GULP1: variants seen among roughly 807,000 people sequenced by gnomAD.
GULP1 encodes the protein GULP PTB domain containing engulfment adaptor 1.
GULP1 carries 19 observed loss-of-function variants against 40.9 expected under a neutral mutation model. The ratio of observed to expected loss-of-function variants is 0.46; its 90% confidence interval spans 0.32 to 0.68. The LOEUF (loss-of-function observed/expected upper bound fraction) is 0.68. Among genes scored for constraint, GULP1 ranks in the 30% least tolerant of loss-of-function variants. GULP1 has a pLI of 0.03. For synonymous variants in GULP1, 119 were observed against 117.6 expected, an observed-to-expected ratio of 1.01 and a Z score of -0.08; for missense variants, 312 against 362.2, an observed-to-expected ratio of 0.86 and a Z score of 1.12.
At chr2:188,584,094 G>A (rs1452728529) in intron 9 of GULP1, among the ~76,000 whole-genome samples, 171 bp from the exon 10 acceptor site, 3 of 152,088 alleles carry the variant, frequency 2.0e-5, no homozygotes, top group African/African-American at 4.8e-5. Context: ...ATCATAATTA[G>A]TGGAACCATA....
rs147805382 is a variant in GULP1 at position 188,408,799 on chromosome 2, A to G, written c.-45+24910A>G. Among the ~76,000 whole-genome samples, 350 of 152,336 alleles carry G rather than the reference A, an allele frequency of 2.3e-3. 1 individual carries two copies. Among genetic ancestry groups the G allele is most frequent in the African/African-American group, 7.9e-3 (330 of 41,580 alleles). ...TACAAGTGATAACAAATTTAAGAAG[A>G]ATGAAGTCATTTCAAGTATCTTTTC... On this transcript the variant is annotated intron_variant, in intron 2 of 11. Transcript: ENST00000409830.
At chr2:188,493,835 C>A (rs980596414) in intron 4 of GULP1, among the ~76,000 whole-genome samples, 1 of 151,918 alleles carries the variant, frequency 6.6e-6, no homozygotes, top group Non-Finnish European at 1.5e-5. Context: ...ATTTGATAAA[C>A]TCTCCTTCAG....
At chr2:188,328,442 C>T (rs1460182279) in intron 1 of GULP1, among the ~76,000 whole-genome samples, 1 of 152,068 alleles carries the variant, frequency 6.6e-6, no homozygotes, top group Non-Finnish European at 1.5e-5. Context: ...TCTCTTAATG[C>T]CATATTATCC....
intron 9 of GULP1, among the ~76,000 whole-genome samples, chr2:188,582,896 T>C (rs1357712575): frequency 1.3e-5 from 2 of 152,124 alleles, no homozygotes; most frequent in Non-Finnish European, 2.9e-5. Context: ...GAGTTAAAGA[T>C]AGAATGAAGT....
chr2:188,580,328 C>A (rs560003546), intron 9 of GULP1, among the ~76,000 whole-genome samples: 5 of 152,020 alleles, frequency 3.3e-5, no homozygotes, highest in South Asian at 2.1e-4. Flanking sequence ...CCGAGGCGGG[C>A]GGATCACGAG....
At chr2:188,553,378 A>C (rs921560828) in intron 7 of GULP1, among the ~76,000 whole-genome samples, 3 of 151,992 alleles carry the variant, frequency 2.0e-5, no homozygotes, top group Admixed American at 1.3e-4. Flanking sequence ...ATCATGAAGG[A>C]ATGTTGAACT....
chr2:188,592,083 A>G (rs1236784267), intron 11 of GULP1: 1 of 151,988 alleles, frequency 6.6e-6, no homozygotes, highest in African/African-American at 2.4e-5. Flanking sequence ...TAAGTCATAT[A>G]CTAACACTTT....
At chr2:188,500,032 A>C (rs1177618978) in intron 4 of GULP1, among the ~76,000 whole-genome samples, 1 of 151,832 alleles carries the variant, frequency 6.6e-6, no homozygotes, top group East Asian at 1.9e-4. Context: ...ACTAAGACAT[A>C]TGTGTCCTTG....
At chr2:188,407,366 C>A (rs2053262152) in intron 2 of GULP1, among the ~76,000 whole-genome samples, 1 of 151,990 alleles carries the variant, frequency 6.6e-6, no homozygotes, top group Admixed American at 6.6e-5. Context: ...TATTCTAATC[C>A]TGTAATGGTG....
chr2:188,453,320 G>T (rs201637388), intron 2 of GULP1, among the ~76,000 whole-genome samples: 1 of 151,994 alleles, frequency 6.6e-6, no homozygotes, highest in African/African-American at 2.4e-5. Context: ...TGTTTAAAAT[G>T]TAATGTTATT....
At chr2:188,515,341 C>A (rs2065060705) in intron 4 of GULP1, among the ~76,000 whole-genome samples, 1 of 152,090 alleles carries the variant, frequency 6.6e-6, no homozygotes. Context: ...ACCTGAGGAC[C>A]CAGGATGCTG....
intron 2 of GULP1, among the ~76,000 whole-genome samples, chr2:188,474,915 A>T (rs1325884777): frequency 2.0e-5 from 3 of 152,200 alleles, no homozygotes; most frequent in Non-Finnish European, 4.4e-5. Context: ...GATTTATGTT[A>T]CACCATAAAT....
intron 1 of GULP1, among the ~76,000 whole-genome samples, chr2:188,373,686 A>C (rs2047917708): frequency 6.6e-6 from 1 of 152,074 alleles, no homozygotes; most frequent in Non-Finnish European, 1.5e-5. Flanking sequence ...TTACTTAGCT[A>C]TTGTCTTTGG....
chr2:188,544,174 A>G (rs777902627), intron 7 of GULP1, among the ~76,000 whole-genome samples: 55 of 152,250 alleles, frequency 3.6e-4, no homozygotes, highest in Non-Finnish European at 6.8e-4. Context: ...AATTTCCAGT[A>G]TTTCATAAAA....
chr2:188,470,956 T>A (rs2060538491), intron 2 of GULP1, among the ~76,000 whole-genome samples: 2 of 151,852 alleles, frequency 1.3e-5, no homozygotes, highest in Admixed American at 1.3e-4. Context: ...AAGTTTGAAG[T>A]TGCTTTGTTA....
At chr2:188,572,219 G>A (rs974582022) in intron 9 of GULP1, among the ~76,000 whole-genome samples, 4 of 152,186 alleles carry the variant, frequency 2.6e-5, no homozygotes, top group African/African-American at 7.2e-5. Flanking sequence ...AAGCATGCAA[G>A]TTGGTATATA....
At chr2:188,452,394 A>G (rs1157484734) in intron 2 of GULP1, among the ~76,000 whole-genome samples, 1 of 152,194 alleles carries the variant, frequency 6.6e-6, no homozygotes, top group African/African-American at 2.4e-5. Context: ...ATGCAAAATA[A>G]AGAGATAGAT....
intron 2 of GULP1, among the ~76,000 whole-genome samples, chr2:188,408,172 A>G (rs1371045044): frequency 1.3e-5 from 2 of 152,088 alleles, no homozygotes. Context: ...GAGCTAACAC[A>G]TTTGCTCTGT....
intron 1 of GULP1, among the ~76,000 whole-genome samples, chr2:188,354,481 A>G (rs1156482536): frequency 6.6e-6 from 1 of 152,120 alleles, no homozygotes; most frequent in Non-Finnish European, 1.5e-5. Context: ...ATCTATATCC[A>G]ACACTGTCAC....
Sources: gnomAD v4.1 joint callset for allele counts (sites outside exome capture counted in the v4.1 genomes callset) on GRCh38, gnomAD v4.1.1 for gene constraint, MANE v1.5 for transcripts, NCBI Gene and HGNC (gene_info 2026-07-23, HGNC 2026-07-21) for gene names.